NLGN1: variants seen among roughly 807,000 people sequenced by gnomAD.
NLGN1 encodes the protein neuroligin-1.
NLGN1 carries 12 observed loss-of-function variants against 65.5 expected under a neutral mutation model. The ratio of observed to expected loss-of-function variants is 0.18; its 90% CI spans 0.12 to 0.30. NLGN1 has a LOEUF of 0.30. NLGN1 is among the 10% of genes least tolerant of loss of function. The pLI is 1.00. For missense variants in NLGN1, 750 were observed against 1,007.1 expected, an observed-to-expected ratio of 0.74 and a Z score of 3.46; for synonymous variants, 350 against 359.5, an observed-to-expected ratio of 0.97 and a Z score of 0.30.
In NLGN1 at chr3:174,279,111, G is replaced by A. The variant is rs1426206481; in HGVS notation, c.1110G>A (p.Gln370=). 2 of 1,613,398 alleles carry A rather than the reference G, an allele frequency of 1.2e-6. No individual in the cohort carries two copies. The highest frequency in any genetic ancestry group is 1.3e-5 in the African/African-American group (1 of 74,962). The change falls in exon 6 of 7, where the codon CAG becomes CAA. Residue 370 remains glutamine, a synonymous_variant. Transcript: ENST00000457714. The surrounding 1 kb of genome is among the most constrained non-coding windows in gnomAD (Gnocchi z 4.7). ...GTGATGTAATACCAGACGACCCCCAGATATTGATGGAGCAAGGAGAGTTTC... is the reference window on the plus strand; with the variant it reads ...GTGATGTAATACCAGACGACCCCCAAATATTGATGGAGCAAGGAGAGTTTC...
Position 174,265,055 on chromosome 3 carries a change from G to C in NLGN1, c.647-10260G>C, listed in dbSNP as rs368467624. Among the ~76,000 whole-genome samples the C allele has an allele frequency of 4.4e-3, 667 of 152,114 alleles. 5 individuals are homozygous for C. The highest frequency in any genetic ancestry group is 0.015 in the African/African-American group (630 of 41,480). The stretch of plus-strand genomic sequence containing the variant: ...TGCCCGTTCTCAGATCTCCAGCTGC[G>C]TGCTGGGAGAACCACTGCTCTCTTC... On this transcript the variant is annotated intron_variant, in intron 4 of 6. Transcript: ENST00000457714.
intron 4 of NLGN1, among the ~76,000 whole-genome samples, chr3:174,114,869 C>T (rs1174241944): frequency 6.6e-6 from 1 of 152,056 alleles, no homozygotes; most frequent in Non-Finnish European, 1.5e-5. Context: ...TCTGACTTTC[C>T]AAATTCCTTA....
chr3:174,092,630 A>G (rs1462519961), intron 4 of NLGN1, among the ~76,000 whole-genome samples: 1 of 151,894 alleles, frequency 6.6e-6, no homozygotes, highest in Non-Finnish European at 1.5e-5. Flanking sequence ...TATTATTATG[A>G]TGATGGTTAT....
At chr3:173,961,242 C>T (rs1386032713) in intron 4 of NLGN1, among the ~76,000 whole-genome samples, 1 of 151,954 alleles carries the variant, frequency 6.6e-6, no homozygotes, top group Non-Finnish European at 1.5e-5. Flanking sequence ...GCTTTTTTCT[C>T]CTCTTAGACC....
intron 3 of NLGN1, among the ~76,000 whole-genome samples, chr3:173,733,406 C>T (rs1245065080): frequency 1.3e-5 from 2 of 152,082 alleles, no homozygotes; most frequent in East Asian, 3.9e-4. Context: ...CTTTTCATTC[C>T]TTCTCTCTTT....
intron 4 of NLGN1, among the ~76,000 whole-genome samples, chr3:174,050,289 A>G (rs1253572809): frequency 1.3e-5 from 2 of 152,110 alleles, no homozygotes; most frequent in African/African-American, 4.8e-5. Context: ...TAAGGTGTCA[A>G]TTTCTCTGGA....
At chr3:174,185,220 A>C (rs1438990201) in intron 4 of NLGN1, among the ~76,000 whole-genome samples, 1 of 152,064 alleles carries the variant, frequency 6.6e-6, no homozygotes, top group Non-Finnish European at 1.5e-5. Flanking sequence ...ATGTATTAAC[A>C]ATTTATCCAT....
chr3:173,491,419 C>A (rs34982509), intron 2 of NLGN1, among the ~76,000 whole-genome samples: 72,481 of 151,540 alleles, frequency 0.48, 19,964 homozygotes, highest in East Asian at 0.81. Flanking sequence ...ATATGTTGAA[C>A]CAGCCTTGCA....
Position 174,278,963 on chromosome 3 carries a change from G to A in NLGN1, c.962G>A (p.Gly321Asp). Residue 321 changes from glycine (G) to aspartate (D), a missense_variant, in exon 6 of 7, where the codon GGT becomes GAT. Transcript: ENST00000457714. The stretch of plus-strand genomic sequence containing the variant: ...GCTAGAATGTTGGCCACAAAAGTTG[G>A]TTGCAATGTTTCAGATACAGTAGAG... The A allele has an allele frequency of 7.1e-6, 11 of 1,547,886 alleles. No individual in the cohort carries two copies. The highest frequency in any genetic ancestry group is 8.7e-6 in the Non-Finnish European group (10 of 1,149,594).
At chr3:174,033,223 C>T (rs911649330) in intron 4 of NLGN1, among the ~76,000 whole-genome samples, 13 of 151,966 alleles carry the variant, frequency 8.6e-5, no homozygotes, top group African/African-American at 2.2e-4. Flanking sequence ...TAATTAGGGA[C>T]GTCGAAAGTT....
intron 4 of NLGN1, among the ~76,000 whole-genome samples, chr3:174,086,252 T>G (rs946940214): frequency 6.6e-6 from 1 of 150,722 alleles, no homozygotes; most frequent in African/African-American, 2.4e-5. Flanking sequence ...TTTATGTATG[T>G]GCATACATAT....
chr3:173,807,863 TG>T (rs775780573), intron 4 of NLGN1, 31 bp downstream of exon 4: 1 of 1,596,552 alleles, frequency 6.3e-7, no homozygotes, highest in South Asian at 1.1e-5. Context: ...GTTTTCACCA[TG>T]AATCCATGAA....
intron 4 of NLGN1, among the ~76,000 whole-genome samples, chr3:174,268,030 T>G (rs1748613034): frequency 6.6e-6 from 1 of 152,180 alleles, no homozygotes; most frequent in Non-Finnish European, 1.5e-5. Flanking sequence ...TTATTGTTCC[T>G]GAAGCTACAT....
At chr3:173,800,833 A>G (rs967854216) in intron 3 of NLGN1, among the ~76,000 whole-genome samples, 1 of 152,024 alleles carries the variant, frequency 6.6e-6, no homozygotes, top group African/African-American at 2.4e-5. Context: ...AAGCTAATAT[A>G]AAGTGTTTCT....
intron 4 of NLGN1, among the ~76,000 whole-genome samples, chr3:174,145,607 A>C (rs553194587): frequency 7.2e-5 from 11 of 152,336 alleles, no homozygotes; most frequent in Admixed American, 5.2e-4. Context: ...TTTAAAAATG[A>C]ATCATCATTC....
At chr3:174,076,460 C>T (rs927266300) in intron 4 of NLGN1, among the ~76,000 whole-genome samples, 8 of 152,104 alleles carry the variant, frequency 5.3e-5, no homozygotes, top group African/African-American at 1.9e-4. Flanking sequence ...TGAATCTGCT[C>T]TGGATTCTGG....
chr3:173,946,980 T>C (rs1747293831), intron 4 of NLGN1, among the ~76,000 whole-genome samples: 1 of 152,132 alleles, frequency 6.6e-6, no homozygotes, highest in Admixed American at 6.5e-5. Flanking sequence ...GGGAATTGCC[T>C]TCACTTGTCT....
At chr3:173,480,876 T>A (rs1727168376) in intron 2 of NLGN1, among the ~76,000 whole-genome samples, 1 of 152,062 alleles carries the variant, frequency 6.6e-6, no homozygotes, top group Non-Finnish European at 1.5e-5. Context: ...TAAGATCAAT[T>A]GGGTATGAAT....
intron 3 of NLGN1, among the ~76,000 whole-genome samples, chr3:173,705,104 C>T (rs1236686615): frequency 2.0e-5 from 3 of 152,132 alleles, no homozygotes; most frequent in Non-Finnish European, 4.4e-5. Context: ...CAGCCTTAAA[C>T]ATATGCATGT....
Sources: gnomAD v4.1 joint callset for allele counts (sites outside exome capture counted in the v4.1 genomes callset) on GRCh38, gnomAD v4.1.1 for gene constraint, Gnocchi (gnomAD v3.1) non-coding constraint, MANE v1.5 for transcripts, NCBI Gene and HGNC (gene_info 2026-07-23, HGNC 2026-07-21) for gene names.